The following PIK3CD variants were observed in gnomAD, a reference collection of about 807,000 sequenced individuals.
PIK3CD encodes the protein phosphatidylinositol 4,5-bisphosphate 3-kinase catalytic subunit delta isoform.
PIK3CD carries 20 observed loss-of-function variants against 122.9 expected under a neutral mutation model. The observed-to-expected ratio is 0.16, with a 90% CI of 0.11 to 0.24. PIK3CD has a LOEUF of 0.24. Among genes scored for constraint, PIK3CD ranks in the 10% least tolerant of loss-of-function variants. The probability of loss-of-function intolerance (pLI) is 1.00; values close to 1 mark genes in which losing one functional copy is unlikely to be tolerated. For missense variants in PIK3CD, 787 were observed against 1,406.3 expected, an observed-to-expected ratio of 0.56 and a Z score of 7.04; for synonymous variants, 596 against 593.4, an observed-to-expected ratio of 1.00 and a Z score of -0.06.
At chr1:9,677,914 A>G (rs1359531282) in intron 1 of PIK3CD, among the ~76,000 whole-genome samples, 5 of 151,226 alleles carry the variant, frequency 3.3e-5, no homozygotes, top group Middle Eastern at 3.5e-3. Flanking sequence ...ACTTTGAGAG[A>G]TCCAAGGCAG....
chr1:9,682,915 G>T (rs936606968), intron 1 of PIK3CD, among the ~76,000 whole-genome samples: 1 of 152,138 alleles, frequency 6.6e-6, no homozygotes, highest in African/African-American at 2.4e-5. Flanking sequence ...ACACTCATGG[G>T]CCAACCAGGA....
Position 9,717,479 on chromosome 1 carries a change from C to T in PIK3CD, c.931-58C>T, listed in dbSNP as rs570828818. 80 of 1,549,670 alleles carry T rather than the reference C, an allele frequency of 5.2e-5. No individual in the cohort carries two copies. The African/African-American group carries it at 1.0e-3, about 20-fold the overall frequency. ...AAGTGGTCACGGGCCTCACCATAGGCCAGGGAGACAAGCTGCACTTTGAGC... is the reference window on the plus strand; with the variant it reads ...AAGTGGTCACGGGCCTCACCATAGGTCAGGGAGACAAGCTGCACTTTGAGC... On this transcript the variant is annotated intron_variant, in intron 7 of 23. Transcript: ENST00000377346. The surrounding 1 kb of genome is among the most constrained non-coding windows in gnomAD (Gnocchi z 5.4).
Position 9,718,188 on chromosome 1 carries a change from C to T in PIK3CD, c.1021-506C>T, listed in dbSNP as rs768290576. 8.8e-5 allele frequency: 41 copies of T among 464,396 alleles called. No homozygotes were observed. The highest frequency in any genetic ancestry group is 3.2e-4 in the Middle Eastern group (1 of 3,112). The allele number at this position is 464,396 out of a possible 1,614,324, so 28.8% of individuals were successfully genotyped here. A position where few individuals can be genotyped will look rare whatever the true frequency, so the allele number is the denominator to read the frequency against. ...GCCCTCCTGCCTGGAGTGTGTTTCA[C>T]TGGGGAAATCGTATAAGCAGGGCAG... On this transcript the variant is annotated intron_variant, in intron 8 of 23. Coordinates refer to ENST00000377346, the MANE Select transcript of PIK3CD (RefSeq NM_005026.5). This position sits in a 1 kb window ranked among gnomAD's most constrained non-coding sequence, Gnocchi z 7.2.
intron 1 of PIK3CD, among the ~76,000 whole-genome samples, chr1:9,683,424 T>C (rs546501909): frequency 1.0e-4 from 15 of 145,762 alleles, no homozygotes; most frequent in African/African-American, 3.8e-4. Flanking sequence ...GGCGACAGAG[T>C]GAGACTCTGT....
At chr1:9,659,294 C>A (rs973740568) in intron 1 of PIK3CD, among the ~76,000 whole-genome samples, 1 of 152,074 alleles carries the variant, frequency 6.6e-6, no homozygotes, top group Non-Finnish European at 1.5e-5. Flanking sequence ...ACCTGCACGT[C>A]CTGCACATGT....
chr1:9,627,585 CAT>C, the PIK3CD span, among the ~76,000 whole-genome samples: 1 of 152,238 alleles, frequency 6.6e-6, no homozygotes, highest in Non-Finnish European at 1.5e-5. Context: ...ATGATGATAA[CAT>C]GTGTACTGAG....
intron 2 of PIK3CD, among the ~76,000 whole-genome samples, chr1:9,706,288 C>G (rs1274982807): frequency 6.8e-6 from 1 of 146,496 alleles, no homozygotes; most frequent in African/African-American, 2.5e-5. Flanking sequence ...CCCAGGAGTT[C>G]GAGACCAACC....
At chr1:9,680,904 C>G (rs1645723951) in intron 1 of PIK3CD, 1 of 152,192 alleles carries the variant, frequency 6.6e-6, no homozygotes, top group South Asian at 2.1e-4. Flanking sequence ...ACAGGAGCCG[C>G]TTCGTTGGGT....
rs1199594043 is a variant in PIK3CD at position 9,720,484 on chromosome 1, G to C, written c.1471-127G>C. The C allele has an allele frequency of 6.6e-7, 1 of 1,506,080 alleles. No homozygotes were observed. The allele number at this position is 1,506,080 out of a possible 1,614,324, so 93.3% of individuals were successfully genotyped here. On this transcript the variant is annotated intron_variant, in intron 11 of 23. Coordinates refer to ENST00000377346, the MANE Select transcript of PIK3CD (RefSeq NM_005026.5). This position sits in a 1 kb window ranked among gnomAD's most constrained non-coding sequence, Gnocchi z 9.0. Reference sequence around the variant, plus strand: ...CTCGTGAGTGGAGGCCAGAGCTGCTGTGGATGCGCCTCCATGCAGAGGACA... The same window carrying C: ...CTCGTGAGTGGAGGCCAGAGCTGCTCTGGATGCGCCTCCATGCAGAGGACA...
the PIK3CD span, among the ~76,000 whole-genome samples, chr1:9,634,200 C>T: frequency 7.2e-6 from 1 of 139,722 alleles, no homozygotes; most frequent in African/African-American, 2.7e-5. Flanking sequence ...GTCACTCAGA[C>T]TGGAGTGCAG....
At chr1:9,683,458 A>C (rs1474649663) in intron 1 of PIK3CD, among the ~76,000 whole-genome samples, 1 of 109,556 alleles carries the variant, frequency 9.1e-6, no homozygotes, top group Non-Finnish European at 1.9e-5. Context: ...AATAAAAACA[A>C]CAACAACAAC....
chr1:9,698,430 C>A (rs1457382699), intron 2 of PIK3CD, among the ~76,000 whole-genome samples: 1 of 152,238 alleles, frequency 6.6e-6, no homozygotes, highest in Non-Finnish European at 1.5e-5. Context: ...GCGTGAGCCA[C>A]CATGGCTGGC....
intron 2 of PIK3CD, among the ~76,000 whole-genome samples, chr1:9,701,128 C>G (rs947885188): frequency 2.6e-5 from 4 of 152,164 alleles, no homozygotes; most frequent in African/African-American, 9.7e-5. Flanking sequence ...TCAGCACAAG[C>G]CCCAGGTGCC....
At position 9,704,909 on chromosome 1, in the gene PIK3CD, T is replaced by C. The variant is rs993783444; in HGVS notation, c.-32-5515T>C. Among the ~76,000 whole-genome samples, 1 of 152,208 alleles carries C rather than the reference T, an allele frequency of 6.6e-6. No individual in the cohort carries two copies. The highest frequency in any genetic ancestry group is 6.5e-5 in the Admixed American group (1 of 15,272). ...GATGTGGTTTTGCAATTGGAGGAAGTGGCGACCAGCAGTGGCAGTGCCTAG... is the reference window on the plus strand; with the variant it reads ...GATGTGGTTTTGCAATTGGAGGAAGCGGCGACCAGCAGTGGCAGTGCCTAG... On this transcript the variant is annotated intron_variant, in intron 2 of 23. Coordinates refer to ENST00000377346, the MANE Select transcript of PIK3CD (RefSeq NM_005026.5). The surrounding 1 kb of genome is among the most constrained non-coding windows in gnomAD (Gnocchi z 5.0).
rs563861774 is a variant in PIK3CD, at chr1:9,710,662, T to G, written c.141+66T>G. The G allele has an allele frequency of 1.2e-5, 17 of 1,452,488 alleles. No individual in the cohort carries two copies. The highest frequency in any genetic ancestry group is 1.1e-4 in the African/African-American group (8 of 70,596). The allele number at this position is 1,452,488 out of a possible 1,614,324, so 90.0% of individuals were successfully genotyped here. A position where few individuals can be genotyped will look rare whatever the true frequency, so the allele number is the denominator to read the frequency against. On this transcript the variant is annotated intron_variant, in intron 3 of 23. Transcript: ENST00000377346. This position sits in a 1 kb window ranked among gnomAD's most constrained non-coding sequence, Gnocchi z 4.7. ...AGAGAGAGAGAGAGAGAGACACAGA[T>G]AGACAGACAGACAGACAGACAGATG...
chr1:9,656,623 TTGCGAGATCC>T (rs1171716797), intron 1 of PIK3CD, among the ~76,000 whole-genome samples: 1 of 151,958 alleles, frequency 6.6e-6, no homozygotes, highest in Non-Finnish European at 1.5e-5. Flanking sequence ...TTGGGCAACA[TTGCGAGATCC>T]TGTCACTAAA....
chr1:9,665,201 C>CAAAAA (rs756515572), intron 1 of PIK3CD, among the ~76,000 whole-genome samples: 2 of 52,988 alleles, frequency 3.8e-5, no homozygotes, highest in Non-Finnish European at 3.9e-5. Flanking sequence ...GACAGCCTGT[C>CAAAAA]AAAAAAAAAA....
chr1:9,720,000 T>C lies in PIK3CD; in HGVS notation c.1322T>C (p.Met441Thr). 1 of 1,613,586 alleles carries C rather than the reference T, an allele frequency of 6.2e-7. No homozygotes were observed. Among genetic ancestry groups the C allele is most frequent in the South Asian group, 1.1e-5 (1 of 91,082 alleles). The change falls in exon 10 of 24, where the codon ATG (methionine) becomes ACG (threonine). Residue 441 changes from methionine to threonine, a missense_variant. Physicochemically the swap from Met to Thr is moderately conservative, Grantham distance 81. Transcript: ENST00000377346. This position sits in a 1 kb window ranked among gnomAD's most constrained non-coding sequence, Gnocchi z 5.5. ...AAGACCGGGGAACGCTGCCTCTACA[T>C]GTGGCCCTCCGTCCCAGGTCGGCCC... The part of the protein sequence containing the change: ...QLKTGERCLY[M>T]WPSVPDEKGE...
In PIK3CD at chr1:9,689,238, C is replaced by A. The variant is rs1320255786; in HGVS notation, c.-137-2229C>A. Among the ~76,000 whole-genome samples, 1 of 152,232 alleles carries A rather than the reference C, an allele frequency of 6.6e-6. No homozygotes were observed. Among genetic ancestry groups the A allele is most frequent in the East Asian group, 1.9e-4 (1 of 5,194 alleles). Reference sequence around the variant, plus strand: ...AAGGTGAAACCTAGGCCAGAGCCAGCGTGCGCGCGCCGTCGGGGTCCCGCG... The same window carrying A: ...AAGGTGAAACCTAGGCCAGAGCCAGAGTGCGCGCGCCGTCGGGGTCCCGCG... On this transcript the variant is annotated intron_variant, in intron 1 of 23. Transcript: ENST00000377346. The surrounding 1 kb of genome is among the most constrained non-coding windows in gnomAD (Gnocchi z 6.1).
Sources: allele counts gnomAD v4.1 joint callset (sites outside exome capture counted in the v4.1 genomes callset), GRCh38; gene constraint gnomAD v4.1.1; non-coding constraint Gnocchi (gnomAD v3.1); transcripts MANE v1.5; gene names NCBI Gene and HGNC (gene_info 2026-07-23, HGNC 2026-07-21).